The following SRP72 variants were observed in gnomAD, a reference collection of about 807,000 sequenced individuals.
SRP72 encodes the protein signal recognition particle 72.
SRP72 carries 49 observed loss-of-function variants against 96.3 expected under a neutral mutation model. The ratio of observed to expected loss-of-function variants is 0.51; its 90% CI spans 0.40 to 0.65. SRP72 has a LOEUF of 0.65. SRP72 is among the 30% of genes least tolerant of loss of function. SRP72 has a pLI of 0.00. For missense variants in SRP72, 736 were observed against 793.3 expected, an observed-to-expected ratio of 0.93 and a Z score of 0.87; for synonymous variants, 267 against 275.2, an observed-to-expected ratio of 0.97 and a Z score of 0.30.
At chr4:56,469,815 CT>C (rs1277500324) in intron 2 of SRP72, 42 bp downstream of exon 2, 1 of 1,530,430 alleles carries the variant, frequency 6.5e-7, no homozygotes, top group South Asian at 1.2e-5. Flanking sequence ...ATTAGAAACA[CT>C]TACTATAGCT....
At chr4:56,478,207 G>GT (rs1412960802) in intron 6 of SRP72, among the ~76,000 whole-genome samples, 172 bp from the exon 7 acceptor site, 1 of 110,070 alleles carries the variant, frequency 9.1e-6, no homozygotes, top group Non-Finnish European at 1.9e-5. Context: ...TCTTTTTGCT[G>GT]TTTTCACTTA....
In SRP72 at chr4:56,503,597, A is replaced by C. The variant is rs923972603; in HGVS notation, c.*1736A>C. ...TACTTTGTCAAATATATGGATGTGT[A>C]TGTGTACATTTATAAGAACCAGTAT... is the stretch of plus-strand genomic sequence containing the variant. On this transcript the variant is annotated 3_prime_UTR_variant, in exon 19 of 19. Transcript: ENST00000642900. The C allele has an allele frequency of 2.6e-5, 4 of 152,210 alleles. No individual in the cohort carries two copies. The highest frequency in any genetic ancestry group is 9.6e-5 in the African/African-American group (4 of 41,460). 9.4% of individuals were successfully genotyped at this position (152,210 alleles called of 1,614,324 possible). A position where few individuals can be genotyped will look rare whatever the true frequency, so the allele number is the denominator to read the frequency against.
Position 56,471,848 on chromosome 4 carries a change from T to A in SRP72, c.354+5T>A, listed in dbSNP as rs1273030810. On this transcript the variant is annotated splice_donor_5th_base_variant and intron_variant, in intron 3 of 18. Coordinates refer to ENST00000642900, the MANE Select transcript of SRP72 (RefSeq NM_006947.4). ...AAGGAGCTTTATGGACAAGTGGTAA[T>A]TACTGCTTTTAAATACATGTTGACA... is the stretch of plus-strand genomic sequence containing the variant. The A allele has an allele frequency of 6.2e-7, 1 of 1,613,496 alleles. No individual in the cohort carries two copies. The highest frequency in any genetic ancestry group is 8.5e-7 in the Non-Finnish European group (1 of 1,179,810).
At chr4:56,495,304 C>G in intron 16 of SRP72, 53 bp from the exon 17 acceptor site, 2 of 1,285,424 alleles carry the variant, frequency 1.6e-6, no homozygotes, top group African/African-American at 1.5e-5. Context: ...TTACTTAATG[C>G]TCTATAAATA....
In SRP72 at chr4:56,501,955, C is replaced by G; in HGVS notation, c.*94C>G. ...CACAGCAAGAAGCACAGAACTACTC[C>G]CTCTTCATCTCCATATTTTCATAAT... On this transcript the variant is annotated 3_prime_UTR_variant, in exon 19 of 19. Transcript: ENST00000642900. 1 of 1,219,160 alleles carries G rather than the reference C, an allele frequency of 8.2e-7. No individual in the cohort carries two copies. The highest frequency in any genetic ancestry group is 1.3e-5 in the South Asian group (1 of 76,104). The allele number at this position is 1,219,160 out of a possible 1,614,324, so 75.5% of individuals were successfully genotyped here.
rs537457385 is a variant in SRP72 at position 56,493,432 on chromosome 4, C to G, written c.1640+1864C>G. On this transcript the variant is annotated intron_variant, in intron 16 of 18. Coordinates refer to ENST00000642900, the MANE Select transcript of SRP72 (RefSeq NM_006947.4). The stretch of plus-strand genomic sequence containing the variant: ...ATTTTCATTATGCATTATTAATGCT[C>G]TTTATTTTATCTTATTAGAAGTTAG... Among the ~76,000 whole-genome samples, 168 of 152,288 alleles carry G rather than the reference C, an allele frequency of 1.1e-3. 1 individual carries two copies. Among genetic ancestry groups the G allele is most frequent in the African/African-American group, 3.9e-3 (162 of 41,566 alleles).
intron 9 of SRP72, 32 bp from the exon 10 acceptor site, chr4:56,484,704 T>C: frequency 2.5e-6 from 4 of 1,610,950 alleles, no homozygotes; most frequent in Non-Finnish European, 3.4e-6. Flanking sequence ...TTAACCAGTT[T>C]ATTTTTCTTG....
intron 16 of SRP72, chr4:56,495,154 A>G: frequency 2.8e-6 from 1 of 360,608 alleles, no homozygotes; most frequent in Admixed American, 4.6e-5. Context: ...TTTCTAAACT[A>G]CTTTCCAAAA....
intron 5 of SRP72, 148 bp downstream of exon 5, chr4:56,474,539 T>A (rs1247898100): frequency 6.9e-6 from 5 of 724,922 alleles, no homozygotes; most frequent in Non-Finnish European, 6.7e-6. Context: ...CGTCTTTCTC[T>A]CTCTTTTTTT....
At position 56,478,422 on chromosome 4, in the gene SRP72, A is replaced by G. The variant is rs138986942; in HGVS notation, c.686A>G (p.His229Arg). 7,728 of 1,613,098 alleles carry G rather than the reference A, an allele frequency of 4.8e-3. 530 individuals are homozygous for G. In the Admixed American group the frequency reaches 0.12, roughly 25 times the overall value. The change falls in exon 7 of 19, where the codon CAT becomes CGT. Residue 229 changes from histidine (H) to arginine (R), a missense_variant. Physicochemically the swap from His to Arg is conservative, Grantham distance 29. This residue lies in a region of SRP72 where 329 missense variants were observed against 319.0 expected (regional missense o/e 1.03). Transcript: ENST00000642900. ...EDPQAELAII[H>R]GQMAYILQLQ... ...CCACAGGCAGAACTGGCCATCATTC[A>G]TGGTCAGATGGCTTATATTCTGCAG...
intron 16 of SRP72, 186 bp from the exon 17 acceptor site, chr4:56,495,171 G>T: frequency 2.7e-6 from 1 of 376,148 alleles, no homozygotes. Context: ...AAAAATTATA[G>T]TATCTGAAGC....
At chr4:56,489,047 C>T (rs898883849) in intron 12 of SRP72, 3 of 172,024 alleles carry the variant, frequency 1.7e-5, no homozygotes, top group African/African-American at 7.1e-5. Context: ...CTATGTATGC[C>T]TCACTGATCA....
chr4:56,476,504 A>T (rs1720228484), intron 5 of SRP72, 167 bp from the exon 6 acceptor site: 1 of 652,446 alleles, frequency 1.5e-6, no homozygotes, highest in South Asian at 1.9e-5. Context: ...CAAGAGACTG[A>T]TAATATATAT....
At chr4:56,468,319 AAGTTAGGAAATATGTG>A (rs1181881391) in intron 1 of SRP72, among the ~76,000 whole-genome samples, 2 of 152,196 alleles carry the variant, frequency 1.3e-5, no homozygotes, top group Non-Finnish European at 2.9e-5. Context: ...CAGTGTTATT[AAGTTAGGAAATATGTG>A]TGTGGAAGCA....
Position 56,491,472 on chromosome 4 carries a change from A to T in SRP72, c.1544A>T (p.Lys515Ile). The T allele has an allele frequency of 6.2e-7, 1 of 1,614,016 alleles. No individual in the cohort carries two copies. The highest frequency in any genetic ancestry group is 8.5e-7 in the Non-Finnish European group (1 of 1,179,940). ...HLPSSDSMSLKVDVEALENSA... is the reference protein window; with the variant it reads ...HLPSSDSMSLIVDVEALENSA... ...CCATCGTCAGATAGTATGTCTCTAA[A>T]AGTAGATGTTGAGGCTCTTGAAAAT... Residue 515 changes from lysine (K) to isoleucine (I), a missense_variant, in exon 16 of 19, where the codon AAA becomes ATA. By Grantham distance (102) the Lys-to-Ile change is moderately radical. Transcript: ENST00000642900.
Position 56,501,800 on chromosome 4 carries a change from C to T in SRP72, c.1955C>T (p.Ala652Val). The T allele has an allele frequency of 6.2e-7, 1 of 1,613,924 alleles. No homozygotes were observed. Among genetic ancestry groups the T allele is most frequent in the East Asian group, 2.2e-5 (1 of 44,876 alleles). The change falls in exon 19 of 19, where the codon GCT (alanine) becomes GTT (valine). Residue 652 changes from alanine to valine, a missense_variant. Ala to Val is a moderately conservative substitution (Grantham distance 64). Coordinates refer to ENST00000642900, the MANE Select transcript of SRP72 (RefSeq NM_006947.4). The part of the protein sequence containing the change: ...IPPRHQKPAG[A>V]PATKKKQQQK... Reference sequence around the variant, plus strand: ...CCAAGACACCAGAAACCTGCAGGGGCTCCAGCAACAAAAAAGAAACAGCAA... The same window carrying T: ...CCAAGACACCAGAAACCTGCAGGGGTTCCAGCAACAAAAAAGAAACAGCAA...
intron 5 of SRP72, 116 bp from the exon 6 acceptor site, chr4:56,476,555 T>C: frequency 9.4e-7 from 1 of 1,065,488 alleles, no homozygotes; most frequent in Non-Finnish European, 1.4e-6. Context: ...CAACTGCTTG[T>C]TACTACGATT....
chr4:56,490,448 A>C lies in SRP72; in HGVS notation c.1424+12A>C. The C allele has an allele frequency of 6.2e-7, 1 of 1,611,922 alleles. No individual in the cohort carries two copies. Among genetic ancestry groups the C allele is most frequent in the South Asian group, 1.1e-5 (1 of 90,604 alleles). On this transcript the variant is annotated intron_variant, in intron 14 of 18. Coordinates refer to ENST00000642900, the MANE Select transcript of SRP72 (RefSeq NM_006947.4). ...CAACAGCTGTGGAAGTAAGCTCTGA[A>C]ACGTGGAGTTGTAGAAATAACACAT...
chr4:56,470,880 GA>G (rs1719947657), intron 2 of SRP72, among the ~76,000 whole-genome samples: 1 of 150,170 alleles, frequency 6.7e-6, no homozygotes, highest in African/African-American at 2.5e-5. Flanking sequence ...CAGGCTGGTG[GA>G]ACCTCCACCT....
Sources: gnomAD v4.1 joint callset for allele counts (sites outside exome capture counted in the v4.1 genomes callset) on GRCh38, gnomAD v4.1.1 for gene constraint, gnomAD v4.1.1 regional missense constraint, MANE v1.5 for transcripts, NCBI Gene and HGNC (gene_info 2026-07-23, HGNC 2026-07-21) for gene names.